The following NCOA1 variants were observed in gnomAD, a reference collection of about 807,000 sequenced individuals.
NCOA1 encodes Hin-2 protein.
A neutral mutation model predicts 150.9 loss-of-function variants in NCOA1; 35 were observed. The observed-to-expected ratio is 0.23, with a 90% CI of 0.18 to 0.31. NCOA1 has a LOEUF of 0.31. Among genes scored for constraint, NCOA1 ranks in the 10% least tolerant of loss-of-function variants. The pLI is 1.00. For missense variants in NCOA1, 1,491 were observed against 1,749.3 expected (o/e 0.85, Z 2.63); for synonymous variants, 590 against 630.0 (o/e 0.94, Z 0.95).
intron 10 of NCOA1, among the ~76,000 whole-genome samples, chr2:24,695,353 G>A (rs1672850359): frequency 6.6e-6 from 1 of 152,150 alleles, no homozygotes; most frequent in South Asian, 2.1e-4. Context: ...AGGGGATGGT[G>A]ATTTGATCAA....
chr2:24,672,937 C>G (rs928649186), intron 6 of NCOA1, among the ~76,000 whole-genome samples: 3 of 152,164 alleles, frequency 2.0e-5, no homozygotes, highest in African/African-American at 7.2e-5. Flanking sequence ...TTCATGCAGG[C>G]TCTCAAAAGG....
At chr2:24,646,274 C>T (rs1670470153) in intron 4 of NCOA1, among the ~76,000 whole-genome samples, 1 of 152,054 alleles carries the variant, frequency 6.6e-6, no homozygotes, top group African/African-American at 2.4e-5. Context: ...TTTACTTTTC[C>T]TTTTCCCCTT....
chr2:24,537,277 A>G (rs919085166), intron 1 of NCOA1, among the ~76,000 whole-genome samples: 9 of 146,020 alleles, frequency 6.2e-5, no homozygotes, highest in Non-Finnish European at 1.4e-4. Context: ...CAGACACACA[A>G]ACACGAAAAT....
chr2:24,663,227 T>A (rs1671266658), intron 5 of NCOA1, among the ~76,000 whole-genome samples: 1 of 152,226 alleles, frequency 6.6e-6, no homozygotes, highest in South Asian at 2.1e-4. Flanking sequence ...ATAGATTCGT[T>A]AACTTGGTAT....
chr2:24,643,042 T>C (rs1488960343), intron 3 of NCOA1, among the ~76,000 whole-genome samples: 1 of 152,206 alleles, frequency 6.6e-6, no homozygotes, highest in Admixed American at 6.5e-5. Context: ...TCAATTGTGG[T>C]GTAGTTATAT....
chr2:24,687,190 T>C (rs1672445357), intron 8 of NCOA1, among the ~76,000 whole-genome samples: 2 of 152,264 alleles, frequency 1.3e-5, no homozygotes, highest in Middle Eastern at 3.4e-3. Flanking sequence ...CTCTACCTTC[T>C]TTCCTTTTAC....
chr2:24,679,423 A>T (rs1672063511), intron 7 of NCOA1, among the ~76,000 whole-genome samples: 1 of 152,178 alleles, frequency 6.6e-6, no homozygotes, highest in Non-Finnish European at 1.5e-5. Context: ...CTCAAAAATT[A>T]TTCCCTGAAA....
chr2:24,647,475 G>A (rs533689900), intron 4 of NCOA1, among the ~76,000 whole-genome samples: 2 of 152,258 alleles, frequency 1.3e-5, no homozygotes, highest in East Asian at 1.9e-4. Context: ...ATTAACATAG[G>A]TTAGGTGCTT....
At chr2:24,734,042 G>T (rs1572658328) in intron 17 of NCOA1, among the ~76,000 whole-genome samples, 2 of 151,768 alleles carry the variant, frequency 1.3e-5, no homozygotes, top group East Asian at 3.9e-4. Context: ...AAAATTAGCT[G>T]GGTGTGGTGG....
chr2:24,536,903 A>G (rs1018530523), intron 1 of NCOA1, among the ~76,000 whole-genome samples: 1 of 152,118 alleles, frequency 6.6e-6, no homozygotes. Flanking sequence ...CTCACTTATA[A>G]GTAGGAGCTA....
At chr2:24,629,259 A>G (rs1669566627) in intron 3 of NCOA1, among the ~76,000 whole-genome samples, 1 of 152,176 alleles carries the variant, frequency 6.6e-6, no homozygotes, top group South Asian at 2.1e-4. Context: ...AGAATTAGTA[A>G]TATTGAAATA....
intron 5 of NCOA1, among the ~76,000 whole-genome samples, chr2:24,664,965 A>T (rs1671349727): frequency 1.3e-5 from 2 of 152,220 alleles, no homozygotes; most frequent in Admixed American, 6.5e-5. Context: ...TTGTCTGATG[A>T]CTTGGCTAAA....
chr2:24,667,466 AAG>A (rs887104944), intron 6 of NCOA1, among the ~76,000 whole-genome samples: 7 of 152,178 alleles, frequency 4.6e-5, no homozygotes, highest in African/African-American at 1.7e-4. Flanking sequence ...TGTAATATAA[AAG>A]AGAGCAAACC....
intron 8 of NCOA1, among the ~76,000 whole-genome samples, chr2:24,690,733 CTG>C (rs1398646173): frequency 2.0e-5 from 3 of 147,766 alleles, no homozygotes; most frequent in Admixed American, 2.0e-4. Flanking sequence ...AAACATGACA[CTG>C]TGACTGGGAA....
intron 5 of NCOA1, among the ~76,000 whole-genome samples, chr2:24,660,464 T>TTA (rs1251865084): frequency 6.6e-6 from 1 of 151,982 alleles, no homozygotes; most frequent in Non-Finnish European, 1.5e-5. Flanking sequence ...TGTGTGTATT[T>TTA]TATATATATA....
At position 24,697,809 on chromosome 2, in the gene NCOA1, C is replaced by T; in HGVS notation, c.949+11C>T. 6.2e-7 allele frequency: 1 copy of T among 1,609,590 alleles called. No individual in the cohort carries two copies. The highest frequency in any genetic ancestry group is 8.5e-7 in the Non-Finnish European group (1 of 1,176,594). On this transcript the variant is annotated intron_variant, in intron 11 of 22. Coordinates refer to ENST00000348332, the MANE Select transcript of NCOA1 (RefSeq NM_003743.5). ...AGCTGTTCCAAGAAGGTAAAATTTT[C>T]TCTCTCAATTATTTTCATTAACCCT...
chr2:24,584,213 AAG>A (rs1553432200), intron 2 of NCOA1, among the ~76,000 whole-genome samples: 1 of 152,074 alleles, frequency 6.6e-6, no homozygotes, highest in Non-Finnish European at 1.5e-5. Flanking sequence ...AATGATAAAA[AAG>A]AAGTATTTTG....
intron 14 of NCOA1, among the ~76,000 whole-genome samples, chr2:24,722,743 CTA>C (rs758902486): frequency 6.6e-6 from 1 of 151,934 alleles, no homozygotes; most frequent in African/African-American, 2.4e-5. Context: ...ATAAAAATCA[CTA>C]TTTTCGTATG....
At chr2:24,691,002 C>T (rs1377184580) in intron 8 of NCOA1, among the ~76,000 whole-genome samples, 2 of 152,112 alleles carry the variant, frequency 1.3e-5, no homozygotes, top group Non-Finnish European at 1.5e-5. Context: ...GTGACAGACT[C>T]TGAGAAAATT....
Sources: allele counts gnomAD v4.1 joint callset (sites outside exome capture counted in the v4.1 genomes callset), GRCh38; gene constraint gnomAD v4.1.1; transcripts MANE v1.5; gene names NCBI Gene and HGNC (gene_info 2026-07-23, HGNC 2026-07-21).